Variants in SPTY2D1 observed in about 807,000 individuals in gnomAD.
The protein encoded by SPTY2D1 is SPT2 chromatin protein domain containing 1.
SPTY2D1 carries 21 observed loss-of-function variants against 64.0 expected under a neutral mutation model. The ratio of observed to expected loss-of-function variants is 0.33; its 90% confidence interval spans 0.23 to 0.47. SPTY2D1 has a LOEUF of 0.47. Among genes scored for constraint, SPTY2D1 ranks in the 20% least tolerant of loss-of-function variants. The pLI is 1.00. For missense variants in SPTY2D1, 724 were observed against 837.2 expected, an observed-to-expected ratio of 0.86 and a Z score of 1.67; for synonymous variants, 287 against 286.8, an observed-to-expected ratio of 1.00 and a Z score of -0.01.
chr11:18,628,435 T>C (rs1854533717), intron 1 of SPTY2D1, among the ~76,000 whole-genome samples: 1 of 152,254 alleles, frequency 6.6e-6, no homozygotes, highest in African/African-American at 2.4e-5. Flanking sequence ...GATGTGGTAC[T>C]GGAATGTTTT....
chr11:18,620,349 C>A (rs1256730688), intron 1 of SPTY2D1, among the ~76,000 whole-genome samples: 1 of 152,076 alleles, frequency 6.6e-6, no homozygotes, highest in East Asian at 1.9e-4. Flanking sequence ...CATGGTGGCT[C>A]ACGCCTGTAG....
intron 1 of SPTY2D1, among the ~76,000 whole-genome samples, chr11:18,618,078 T>C (rs555337339): frequency 1.3e-5 from 2 of 152,328 alleles, no homozygotes; most frequent in East Asian, 3.9e-4. Flanking sequence ...TCACAACTAT[T>C]TTCTCTCCTG....
chr11:18,622,313 T>G (rs1327367786), intron 1 of SPTY2D1, among the ~76,000 whole-genome samples: 1 of 151,992 alleles, frequency 6.6e-6, no homozygotes, highest in African/African-American at 2.4e-5. Context: ...AAGGACTGAT[T>G]GAGCCCAGGA....
chr11:18,621,857 C>T (rs187822626), intron 1 of SPTY2D1, among the ~76,000 whole-genome samples: 126 of 151,942 alleles, frequency 8.3e-4, no homozygotes, highest in African/African-American at 3.0e-3. Flanking sequence ...GAGGCTAATT[C>T]GAGAGGATCG....
intron 4 of SPTY2D1, among the ~76,000 whole-genome samples, 166 bp from the exon 5 acceptor site, chr11:18,611,720 T>C (rs1822360738): frequency 6.6e-6 from 1 of 152,200 alleles, no homozygotes; most frequent in African/African-American, 2.4e-5. Flanking sequence ...ATGGATAGGT[T>C]TCTGAAGTAA....
intron 1 of SPTY2D1, 36 bp downstream of exon 1, chr11:18,634,162 A>G (rs765599411): frequency 2.5e-6 from 4 of 1,611,294 alleles, no homozygotes; most frequent in South Asian, 1.1e-5. Flanking sequence ...TTGGAAGACT[A>G]GGGTCCCCTA....
intron 5 of SPTY2D1, among the ~76,000 whole-genome samples, chr11:18,610,635 C>T (rs1056551006): frequency 2.7e-5 from 4 of 145,856 alleles, no homozygotes; most frequent in African/African-American, 1.0e-4. Flanking sequence ...CACCGCACTC[C>T]AGCCTTGGCG....
rs1217769928 is a variant in SPTY2D1 at position 18,608,310 on chromosome 11, A to G, written c.*1551T>C. 1 of 152,662 alleles carries G rather than the reference A, an allele frequency of 6.6e-6. No individual in the cohort carries two copies. The highest frequency in any genetic ancestry group is 2.4e-5 in the African/African-American group (1 of 41,468). 9.5% of individuals were successfully genotyped at this position (152,662 alleles called of 1,614,324 possible). A position where few individuals can be genotyped will look rare whatever the true frequency, so the allele number is the denominator to read the frequency against. Reference sequence around the variant, plus strand: ...AGTCCGTCTTAAAAGCCTGGCTCATATGGTCCCATTAAGGGAGGCTAACAA... The same window carrying G: ...AGTCCGTCTTAAAAGCCTGGCTCATGTGGTCCCATTAAGGGAGGCTAACAA... On this transcript the variant is annotated 3_prime_UTR_variant, in exon 6 of 6. Transcript: ENST00000336349.
chr11:18,616,217 G>A, intron 2 of SPTY2D1, 119 bp from the exon 3 acceptor site: 1 of 902,720 alleles, frequency 1.1e-6, no homozygotes. Context: ...AAATGAGGAA[G>A]TCATGTGAAC....
chr11:18,615,036 C>T lies in SPTY2D1; in HGVS notation c.1238G>A (p.Ser413Asn), dbSNP rs1303444128. The T allele has an allele frequency of 6.2e-7, 1 of 1,614,028 alleles. No individual in the cohort carries two copies. Among genetic ancestry groups the T allele is most frequent in the African/African-American group, 1.3e-5 (1 of 74,942 alleles). ...GTCATTGGTTGGCTTCTTGGACCCA[C>T]TGATTGATCGCTCAGGTCCTGAGCT... is the stretch of plus-strand genomic sequence containing the variant. Reference protein sequence around the residue: ...SSSSGPERSISGSKKPTNDSN... With the variant: ...SSSSGPERSINGSKKPTNDSN... Residue 413 changes from serine (S) to asparagine (N), a missense_variant, in exon 3 of 6, where the codon AGT becomes AAT. Physicochemically the swap from Ser to Asn is conservative, Grantham distance 46. Coordinates refer to ENST00000336349, the MANE Select transcript of SPTY2D1 (RefSeq NM_194285.3).
In SPTY2D1 at chr11:18,615,281, C is replaced by A. The variant is rs369150525; in HGVS notation, c.993G>T (p.Arg331Ser). Reference protein sequence around the residue: ...SPSVPKTSASRTQKSAVEHKA... With the variant: ...SPSVPKTSASSTQKSAVEHKA... The stretch of plus-strand genomic sequence containing the variant: ...TGTGCTCAACAGCAGATTTCTGAGT[C>A]CTGCTAGCAGAAGTCTTTGGGACAC... Residue 331 changes from arginine (R) to serine (S), a missense_variant, in exon 3 of 6, where the codon AGG becomes AGT. This residue lies in a region of SPTY2D1 where 426 missense variants were observed against 431.8 expected (regional missense o/e 0.99). Transcript: ENST00000336349. 6.2e-7 allele frequency: 1 copy of A among 1,614,178 alleles called. No individual in the cohort carries two copies.
intron 1 of SPTY2D1, 95 bp from the exon 2 acceptor site, chr11:18,617,084 G>A: frequency 2.1e-6 from 2 of 959,374 alleles, no homozygotes; most frequent in Non-Finnish European, 3.3e-6. Flanking sequence ...AGGTATAAAT[G>A]TTAACTGTGA....
chr11:18,610,237 C>A, intron 5 of SPTY2D1: 2 of 305,378 alleles, frequency 6.5e-6, no homozygotes, highest in Non-Finnish European at 1.2e-5. Flanking sequence ...AAATAAACAG[C>A]AAGAAGCATT....
At chr11:18,616,385 AGTT>A (rs1345557308) in intron 2 of SPTY2D1, among the ~76,000 whole-genome samples, 7 of 152,222 alleles carry the variant, frequency 4.6e-5, no homozygotes, top group African/African-American at 1.2e-4. Flanking sequence ...TCCACTTAGT[AGTT>A]GTTATTAATT....
At chr11:18,610,684 A>C (rs1222086150) in intron 5 of SPTY2D1, among the ~76,000 whole-genome samples, 6 of 151,200 alleles carry the variant, frequency 4.0e-5, no homozygotes, top group East Asian at 3.9e-4. Context: ...AAAAAAAAAA[A>C]AAAACAACAA....
At position 18,608,970 on chromosome 11, in the gene SPTY2D1, A is replaced by G. The variant is rs1057135668; in HGVS notation, c.*891T>C. The G allele has an allele frequency of 1.3e-5, 2 of 149,494 alleles. No individual in the cohort carries two copies. Among genetic ancestry groups the G allele is most frequent in the African/African-American group, 4.9e-5 (2 of 40,846 alleles). The allele number at this position is 149,494 out of a possible 1,614,324, so 9.3% of individuals were successfully genotyped here. ...TGAGGGCACCTTGGGATTTCAAAAT[A>G]TCTTTATGATGGGGGAGGGGAGGAG... On this transcript the variant is annotated 3_prime_UTR_variant, in exon 6 of 6. Transcript: ENST00000336349.
chr11:18,616,514 T>A (rs924586325), intron 2 of SPTY2D1, among the ~76,000 whole-genome samples: 1 of 152,188 alleles, frequency 6.6e-6, no homozygotes, highest in Non-Finnish European at 1.5e-5. Context: ...TAGATAGCAT[T>A]CTGTTAATAA....
chr11:18,633,113 T>C (rs115957788), intron 1 of SPTY2D1, among the ~76,000 whole-genome samples: 3,140 of 150,494 alleles, frequency 0.021, 107 homozygotes, highest in African/African-American at 0.071. Flanking sequence ...TGTGTATATA[T>C]ACATATATTT....
intron 1 of SPTY2D1, 43 bp downstream of exon 1, chr11:18,634,155 G>T: frequency 6.2e-7 from 1 of 1,611,562 alleles, no homozygotes. Context: ...TCCGAACTTG[G>T]AAGACTAGGG....
Sources: gnomAD v4.1 joint callset for allele counts (sites outside exome capture counted in the v4.1 genomes callset) on GRCh38, gnomAD v4.1.1 for gene constraint, gnomAD v4.1.1 regional missense constraint, MANE v1.5 for transcripts, NCBI Gene and HGNC (gene_info 2026-07-23, HGNC 2026-07-21) for gene names.